SHROOM2: variants seen among roughly 807,000 people sequenced by gnomAD.
SHROOM2 encodes shroom family member 2, also known as protein Shroom2.
In SHROOM2, 33 loss-of-function variants were observed where a neutral mutation model predicts 75.9. The ratio of observed to expected loss-of-function variants is 0.43; its 90% CI spans 0.33 to 0.58. SHROOM2 has a LOEUF of 0.58. Ranked by LOEUF, SHROOM2 falls within the 20% of genes least tolerant of loss-of-function variation. The probability of loss-of-function intolerance (pLI) is 0.04; values close to 1 mark genes in which losing one functional copy is unlikely to be tolerated. For synonymous variants in SHROOM2, 655 were observed against 663.6 expected, an observed-to-expected ratio of 0.99 and a Z score of 0.20; for missense variants, 1,434 against 1,461.2, an observed-to-expected ratio of 0.98 and a Z score of 0.30.
rs2084289192 is a variant in SHROOM2 at position 9,891,089 on chromosome X, T to G, written c.430T>G (p.Ser144Ala). 1.7e-6 allele frequency: 2 copies of G among 1,206,521 alleles called. No homozygotes were observed. The highest frequency in any genetic ancestry group is 1.1e-6 in the Non-Finnish European group (1 of 893,074). Residue 144 changes from serine to alanine, a missense_variant, in exon 3 of 10, where the codon TCC becomes GCC. Coordinates refer to ENST00000380913, the MANE Select transcript of SHROOM2 (RefSeq NM_001649.4). The stretch of plus-strand genomic sequence containing the variant: ...CTCCACCAGCGGCTGTCCTTCCTGG[T>G]CCGGCCGACACCACGCGAGGTAGGC... The part of the protein sequence containing the change: ...FTSTSGCPSW[S>A]GRHHASSSSH...
At chrX:9,857,512 G>C (rs1040423888) in intron 1 of SHROOM2, among the ~76,000 whole-genome samples, 2 of 109,077 alleles carry the variant, frequency 1.8e-5, no homozygotes, top group Admixed American at 9.8e-5. Flanking sequence ...TCAGCCTCCA[G>C]AGTAGCTGGA....
intron 1 of SHROOM2, among the ~76,000 whole-genome samples, chrX:9,803,543 G>A (rs922055920): frequency 9.0e-6 from 1 of 110,862 alleles, no homozygotes; most frequent in African/African-American, 3.3e-5. Context: ...GGTGCCCGGC[G>A]CTTTTCCCAC....
intron 1 of SHROOM2, among the ~76,000 whole-genome samples, chrX:9,793,185 G>A (rs979337140): frequency 4.5e-5 from 5 of 111,436 alleles, no homozygotes; most frequent in Admixed American, 9.5e-5. Flanking sequence ...GATTTCTTTT[G>A]GTATTTCTGT....
chrX:9,813,284 G>A (rs950465485), intron 1 of SHROOM2, among the ~76,000 whole-genome samples: 1 of 111,200 alleles, frequency 9.0e-6, no homozygotes, highest in Non-Finnish European at 1.9e-5. Context: ...TGGCACTGGG[G>A]AAATGACCAC....
At chrX:9,934,409 C>T (rs1358721457) in intron 6 of SHROOM2, among the ~76,000 whole-genome samples, 1 of 111,751 alleles carries the variant, frequency 8.9e-6, no homozygotes, top group East Asian at 2.8e-4. Flanking sequence ...ACAGTTTTCT[C>T]TGTGGGCCAA....
At chrX:9,859,609 G>A (rs769040436) in intron 1 of SHROOM2, among the ~76,000 whole-genome samples, 150 of 111,646 alleles carry the variant, frequency 1.3e-3, no homozygotes, top group African/African-American at 4.8e-3. Context: ...CAGAGTGTGT[G>A]CACAGCAGCG....
intron 1 of SHROOM2, among the ~76,000 whole-genome samples, chrX:9,868,279 G>A (rs974142131): frequency 9.2e-6 from 1 of 108,205 alleles, no homozygotes; most frequent in African/African-American, 3.4e-5. Flanking sequence ...GAAGTCTCAC[G>A]CTGTCGCCCA....
intron 1 of SHROOM2, among the ~76,000 whole-genome samples, chrX:9,792,406 G>A (rs1040186623): frequency 3.7e-5 from 4 of 109,463 alleles, no homozygotes; most frequent in African/African-American, 1.3e-4. Context: ...GCAAAGCAAA[G>A]GTAACATTTT....
intron 5 of SHROOM2, among the ~76,000 whole-genome samples, chrX:9,917,217 A>G (rs1202636117): frequency 8.9e-6 from 1 of 111,889 alleles, no homozygotes; most frequent in Admixed American, 9.5e-5. Context: ...TGGAAGCACA[A>G]CCATAGGACC....
intron 5 of SHROOM2, among the ~76,000 whole-genome samples, chrX:9,922,000 A>G (rs774155318): frequency 9.0e-6 from 1 of 111,532 alleles, no homozygotes; most frequent in African/African-American, 3.3e-5. Flanking sequence ...GCCTACTTCT[A>G]ACAAGCTCCA....
intron 1 of SHROOM2, among the ~76,000 whole-genome samples, chrX:9,811,050 G>A (rs776827603): frequency 8.9e-5 from 10 of 112,027 alleles, no homozygotes; most frequent in South Asian, 7.5e-4. Flanking sequence ...CAGAAGCATC[G>A]CGTGCAGGAT....
At chrX:9,803,598 C>G (rs1043753026) in intron 1 of SHROOM2, among the ~76,000 whole-genome samples, 1 of 111,504 alleles carries the variant, frequency 9.0e-6, no homozygotes, top group African/African-American at 3.3e-5. Context: ...GCAGAACTGA[C>G]TGCCACACAC....
Position 9,947,004 on chromosome X carries a change from C to G in SHROOM2, c.*67C>G. 3 of 1,026,794 alleles carry G rather than the reference C, an allele frequency of 2.9e-6. No homozygotes were observed. In the Admixed American group the frequency reaches 9.5e-5, roughly 33 times the overall value. 84.6% of individuals were successfully genotyped at this position (1,026,794 alleles called of 1,213,427 possible). A position where few individuals can be genotyped will look rare whatever the true frequency, so the allele number is the denominator to read the frequency against. On this transcript the variant is annotated 3_prime_UTR_variant, in exon 10 of 10. Coordinates refer to ENST00000380913, the MANE Select transcript of SHROOM2 (RefSeq NM_001649.4). Reference sequence around the variant, plus strand: ...CTCCAGCTCCGTTCCCAAGGATACTCGTGAAGACCCCATCTGTGTTCATGG... The same window carrying G: ...CTCCAGCTCCGTTCCCAAGGATACTGGTGAAGACCCCATCTGTGTTCATGG...
intron 5 of SHROOM2, among the ~76,000 whole-genome samples, chrX:9,918,470 A>G (rs2084511130): frequency 9.0e-6 from 1 of 111,319 alleles, no homozygotes; most frequent in Non-Finnish European, 1.9e-5. Context: ...GAGAGGAAGC[A>G]AGCTCCCTCG....
At chrX:9,798,981 G>A (rs1226380617) in intron 1 of SHROOM2, among the ~76,000 whole-genome samples, 1 of 110,015 alleles carries the variant, frequency 9.1e-6, no homozygotes, top group African/African-American at 3.3e-5. Flanking sequence ...GGTTTGGGAC[G>A]GAGCCATTTC....
Position 9,894,388 on chromosome X carries a change from G to A in SHROOM2, c.480G>A (p.Trp160Ter). The change falls in exon 4 of 10, where the codon TGG becomes TGA. Residue 160 changes from tryptophan to a stop codon, truncating the protein, a stop_gained. Transcript: ENST00000380913. LOFTEE classifies it high-confidence loss of function. ...CCTCCCACGACCTGTCCAGTTCCTG[G>A]GAGCAGACGAACCTACAGCGCACCT... ...SSSSHDLSSS[W>*]EQTNLQRTLD... 1 of 1,210,048 alleles carries A rather than the reference G, an allele frequency of 8.3e-7. No homozygotes were observed. The highest frequency in any genetic ancestry group is 1.1e-6 in the Non-Finnish European group (1 of 894,722).
Position 9,895,741 on chromosome X carries a change from G to A in SHROOM2, c.1833G>A (p.Pro611=), listed in dbSNP as rs146235996. The A allele has an allele frequency of 5.6e-4, 669 of 1,197,065 alleles. 4 individuals are homozygous for A. In the South Asian group the frequency reaches 8.4e-3, roughly 15 times the overall value. The change falls in exon 4 of 10, where the codon CCG becomes CCA. Residue 611 remains proline (P), a synonymous_variant. Transcript: ENST00000380913. ...SPEDSATRPP[P]FDAHVGKPTR... ...AGGACAGCGCCACCAGACCGCCACC[G>A]TTCGACGCCCACGTGGGCAAGCCCA...
chrX:9,909,841 G>A lies in SHROOM2; in HGVS notation c.2891+11551G>A, dbSNP rs140845174. Among the ~76,000 whole-genome samples the A allele has an allele frequency of 2.9e-3, 327 of 112,439 alleles. 1 individual carries two copies. Among genetic ancestry groups the A allele is most frequent in the African/African-American group, 0.01 (312 of 30,963 alleles). On this transcript the variant is annotated intron_variant, in intron 5 of 9. Transcript: ENST00000380913. ...ATTTATAAACAGCAGAAATGTATTTGTCACAGTTCTGGAGGCTGGGAAGTC... is the reference window on the plus strand; with the variant it reads ...ATTTATAAACAGCAGAAATGTATTTATCACAGTTCTGGAGGCTGGGAAGTC...
At chrX:9,815,474 GTGTGTGTA>G (rs1175346794) in intron 1 of SHROOM2, among the ~76,000 whole-genome samples, 93 of 67,461 alleles carry the variant, frequency 1.4e-3, no homozygotes, top group African/African-American at 3.8e-3. Context: ...GTGTGTGTGT[GTGTGTGTA>G]TATAATATCT....
Sources: allele counts gnomAD v4.1 joint callset (sites outside exome capture counted in the v4.1 genomes callset), GRCh38; gene constraint gnomAD v4.1.1; transcripts MANE v1.5; gene names NCBI Gene and HGNC (gene_info 2026-07-23, HGNC 2026-07-21).